Variants in LAMA1 observed in about 807,000 individuals in gnomAD.
The protein encoded by LAMA1 is laminin subunit alpha 1.
A neutral mutation model predicts 348.7 loss-of-function variants in LAMA1; 219 were observed. That is an observed-to-expected ratio of 0.63 (90% CI 0.56 to 0.70). LAMA1 has a LOEUF of 0.70. Ranked by LOEUF, LAMA1 falls within the 30% of genes least tolerant of loss-of-function variation. The probability of loss-of-function intolerance (pLI) is 0.00; values close to 1 mark genes in which losing one functional copy is unlikely to be tolerated. For synonymous variants in LAMA1, 1,487 were observed against 1,491.0 expected (o/e 1.00, Z 0.06); for missense variants, 3,744 against 3,888.0 (o/e 0.96, Z 0.99).
At position 7,050,792 on chromosome 18, in the gene LAMA1, T is replaced by C. The variant is rs374638955; in HGVS notation, c.490A>G (p.Asn164Asp). Residue 164 changes from asparagine to aspartate, a missense_variant, in exon 4 of 63, where the codon AAT (asparagine) becomes GAT (aspartate). Around this residue, in one of 3 missense-constraint regions of LAMA1, gnomAD observed 1,529 missense variants for 1,689.4 expected, o/e 0.91. Transcript: ENST00000389658. ...GGTGGCCCTCGTCTTGGAGTTATAT[T>C]GTAACGAGACAAACACTCTGAGTCG... ...VSDSECLSRYNITPRRGPPTY... is the reference protein window; with the variant it reads ...VSDSECLSRYDITPRRGPPTY... The C allele has an allele frequency of 4.3e-6, 7 of 1,614,172 alleles. No individual in the cohort carries two copies. The East Asian group carries it at 6.7e-5, about 15-fold the overall frequency.
intron 19 of LAMA1, among the ~76,000 whole-genome samples, chr18:7,022,895 G>A (rs561786857): frequency 6.6e-6 from 1 of 152,268 alleles, no homozygotes; most frequent in African/African-American, 2.4e-5. Flanking sequence ...CCGGAACTCT[G>A]TCAAGTCACA....
intron 49 of LAMA1, chr18:6,965,735 A>G: frequency 2.3e-6 from 1 of 431,478 alleles, no homozygotes; most frequent in South Asian, 2.5e-5. Context: ...AATAAAACCA[A>G]AAGACTGAAA....
intron 48 of LAMA1, among the ~76,000 whole-genome samples, chr18:6,969,346 A>G (rs2057648037): frequency 6.6e-6 from 1 of 152,178 alleles, no homozygotes; most frequent in African/African-American, 2.4e-5. Flanking sequence ...GTACCTTTTC[A>G]GAAAGGGTTC....
intron 21 of LAMA1, among the ~76,000 whole-genome samples, chr18:7,016,068 A>T (rs2144125679): frequency 6.6e-6 from 1 of 152,316 alleles, no homozygotes; most frequent in South Asian, 2.1e-4. Flanking sequence ...AAATGGGGAC[A>T]GGACAGGGGA....
In LAMA1 at chr18:6,962,025, T is replaced by C. The variant is rs777743929; in HGVS notation, c.7372A>G (p.Ile2458Val). 17 of 1,614,214 alleles carry C rather than the reference T, an allele frequency of 1.1e-5. No homozygotes were observed. The highest frequency in any genetic ancestry group is 1.4e-5 in the Non-Finnish European group (17 of 1,180,026). The change falls in exon 52 of 63, where the codon ATC becomes GTC. Residue 2458 changes from isoleucine to valine, a missense_variant. Physicochemically the swap from Ile to Val is conservative, Grantham distance 29. Coordinates refer to ENST00000389658, the MANE Select transcript of LAMA1 (RefSeq NM_005559.4). ...GVTTKSFVGC[I>V]KNLEISRSTF... is the part of the protein sequence containing the mutation. ...GATCTGGATATTTCCAGGTTCTTGA[T>C]GCAGCCCACAAAGCTTTTGGTGGTG...
intron 60 of LAMA1, among the ~76,000 whole-genome samples, chr18:6,947,621 GA>G (rs1471017617): frequency 6.6e-6 from 1 of 152,198 alleles, no homozygotes; most frequent in Non-Finnish European, 1.5e-5. Flanking sequence ...GGGCTGTTGG[GA>G]TTTGATCCCT....
At chr18:7,029,858 T>C (rs2057960520) in intron 16 of LAMA1, among the ~76,000 whole-genome samples, 2 of 151,964 alleles carry the variant, frequency 1.3e-5, no homozygotes, top group South Asian at 4.1e-4. Context: ...TGGAACCTCA[T>C]CTCTAATGAA....
chr18:7,117,534 C>T lies in LAMA1; in HGVS notation c.61+126G>A, dbSNP rs1157164410. 6 of 948,522 alleles carry T rather than the reference C, an allele frequency of 6.3e-6. No homozygotes were observed. The East Asian group carries it at 1.4e-4, about 22-fold the overall frequency. The allele number at this position is 948,522 out of a possible 1,614,324, so 58.8% of individuals were successfully genotyped here. A position where few individuals can be genotyped will look rare whatever the true frequency, so the allele number is the denominator to read the frequency against. ...GGGAGACCCACGTGGCCGAGACACC[C>T]ACTCCGAGGTGGATCAGGATGCGCG... On this transcript the variant is annotated intron_variant, in intron 1 of 62. Coordinates refer to ENST00000389658, the MANE Select transcript of LAMA1 (RefSeq NM_005559.4).
At chr18:7,045,098 A>G in intron 6 of LAMA1, among the ~76,000 whole-genome samples, 1 of 152,204 alleles carries the variant, frequency 6.6e-6, no homozygotes, top group East Asian at 1.9e-4. Flanking sequence ...AAAAATATAC[A>G]TGGAACTTAT....
intron 3 of LAMA1, among the ~76,000 whole-genome samples, chr18:7,070,136 G>A (rs1388846007): frequency 6.6e-6 from 1 of 152,152 alleles, no homozygotes; most frequent in Non-Finnish European, 1.5e-5. Context: ...AATTTAGGGT[G>A]GCTTACTTCC....
chr18:6,948,948 C>T (rs977590210), intron 59 of LAMA1, among the ~76,000 whole-genome samples, 153 bp downstream of exon 59: 2 of 152,284 alleles, frequency 1.3e-5, no homozygotes, highest in South Asian at 2.1e-4. Flanking sequence ...CCCTGGCACA[C>T]GATCTGTGGA....
At chr18:6,986,018 A>G (rs750609194) in intron 37 of LAMA1, 119 bp downstream of exon 37, 26 of 1,121,932 alleles carry the variant, frequency 2.3e-5, no homozygotes, top group Non-Finnish European at 3.4e-5. Flanking sequence ...TCGGCCTCCC[A>G]AAGTGCTGGG....
At chr18:6,951,886 T>C (rs1306135105) in intron 57 of LAMA1, among the ~76,000 whole-genome samples, 1 of 152,162 alleles carries the variant, frequency 6.6e-6, no homozygotes, top group African/African-American at 2.4e-5. Flanking sequence ...ATGGTGATTG[T>C]GCCCGCGGCA....
At chr18:7,011,682 T>C (rs2057861226) in intron 24 of LAMA1, among the ~76,000 whole-genome samples, 1 of 152,234 alleles carries the variant, frequency 6.6e-6, no homozygotes, top group Non-Finnish European at 1.5e-5. Context: ...GGCCAAACTG[T>C]TGCTACGCTG....
At chr18:7,093,295 G>A (rs907286387) in intron 1 of LAMA1, among the ~76,000 whole-genome samples, 28 of 151,932 alleles carry the variant, frequency 1.8e-4, no homozygotes, top group East Asian at 7.8e-4. Context: ...GGGCGCCTGT[G>A]GTCCCAGCTA....
At chr18:7,067,606 A>G (rs866340915) in intron 3 of LAMA1, among the ~76,000 whole-genome samples, 3 of 152,272 alleles carry the variant, frequency 2.0e-5, no homozygotes, top group African/African-American at 7.2e-5. Flanking sequence ...AATGGCTTAT[A>G]CAAGTGTCTG....
chr18:7,069,090 G>A (rs551220748), intron 3 of LAMA1, among the ~76,000 whole-genome samples: 107 of 152,330 alleles, frequency 7.0e-4, no homozygotes, highest in African/African-American at 2.5e-3. Context: ...CACTGAAATA[G>A]TGCAGCCAAA....
rs771908203 is a variant in LAMA1, at chr18:6,961,758, G to A, written c.7454C>T (p.Pro2485Leu). ...YGVRKGCLLE[P>L]IRSVSFLKGG... is the part of the protein sequence containing the mutation. ...TTTCAGGAAGCTAACACTCCGGATGGGCTGGACACAGAGGAGATGGAACAG... is the reference window on the plus strand; with the variant it reads ...TTTCAGGAAGCTAACACTCCGGATGAGCTGGACACAGAGGAGATGGAACAG... Residue 2485 changes from proline (P) to leucine (L), a missense_variant and splice_region_variant, in exon 53 of 63, where the codon CCC becomes CTC. Coordinates refer to ENST00000389658, the MANE Select transcript of LAMA1 (RefSeq NM_005559.4). 1 of 1,614,116 alleles carries A rather than the reference G, an allele frequency of 6.2e-7. No individual in the cohort carries two copies. The highest frequency in any genetic ancestry group is 8.5e-7 in the Non-Finnish European group (1 of 1,180,004).
intron 18 of LAMA1, 70 bp from the exon 19 acceptor site, chr18:7,023,445 C>G (rs2144142063): frequency 7.3e-6 from 9 of 1,237,278 alleles, no homozygotes; most frequent in African/African-American, 1.5e-5. Flanking sequence ...TATCCAGGGA[C>G]TCCCTGAATG....
Sources: gnomAD v4.1 joint callset for allele counts (sites outside exome capture counted in the v4.1 genomes callset) on GRCh38, gnomAD v4.1.1 for gene constraint, gnomAD v4.1.1 regional missense constraint, MANE v1.5 for transcripts, NCBI Gene and HGNC (gene_info 2026-07-23, HGNC 2026-07-21) for gene names.